The following MYO16 variants were observed in gnomAD, a reference collection of about 807,000 sequenced individuals.
MYO16 encodes the protein myosin XVI.
Under a neutral mutation model 205.3 loss-of-function variants are expected in MYO16, and 94 were observed. The ratio of observed to expected loss-of-function variants is 0.46; its 90% CI spans 0.39 to 0.54. The LOEUF (loss-of-function observed/expected upper bound fraction) is 0.54. MYO16 is among the 20% of genes least tolerant of loss of function. MYO16 has a pLI of 0.00. For synonymous variants in MYO16, 988 were observed against 954.0 expected, an observed-to-expected ratio of 1.04 and a Z score of -0.66; for missense variants, 2,315 against 2,387.5, an observed-to-expected ratio of 0.97 and a Z score of 0.63.
the MYO16 span, among the ~76,000 whole-genome samples, chr13:108,503,288 T>C: frequency 6.6e-6 from 1 of 152,078 alleles, no homozygotes; most frequent in African/African-American, 2.4e-5. Flanking sequence ...ACCTGTGAAA[T>C]GGTACAGGCA....
intron 7 of MYO16, among the ~76,000 whole-genome samples, chr13:108,810,309 C>G (rs1303308581): frequency 6.6e-6 from 1 of 152,176 alleles, no homozygotes; most frequent in Non-Finnish European, 1.5e-5. Flanking sequence ...GAGTTCTCCA[C>G]TGTGCTAGCC....
chr13:109,022,459 A>G (rs1476245802), intron 23 of MYO16, among the ~76,000 whole-genome samples: 1 of 131,220 alleles, frequency 7.6e-6, no homozygotes, highest in African/African-American at 2.8e-5. Context: ...TTATATATAC[A>G]ATATAAACAT....
At chr13:109,173,950 G>GGGA (rs1555338664) in intron 33 of MYO16, among the ~76,000 whole-genome samples, 1 of 146,918 alleles carries the variant, frequency 6.8e-6, no homozygotes, top group Non-Finnish European at 1.5e-5. Flanking sequence ...GTTTTGATGG[G>GGGA]GGGGGGTACT....
Position 109,052,319 on chromosome 13 carries a change from C to A in MYO16, c.2892C>A (p.Ile964=). The change falls in exon 25 of 35, where the codon ATC becomes ATA. Residue 964 remains isoleucine (I), a synonymous_variant. Transcript: ENST00000457511. ...TCCTAGCTAGTGAAAATGTCGTGAT[C>A]AATCATTTGTTCCAGTCGAAATTGT... ...FVMKTSENVV[I]NHLFQSKLSQ... 1 of 1,612,738 alleles carries A rather than the reference C, an allele frequency of 6.2e-7. No homozygotes were observed. The highest frequency in any genetic ancestry group is 1.1e-5 in the South Asian group (1 of 90,872).
intron 2 of MYO16, among the ~76,000 whole-genome samples, chr13:108,694,065 A>G (rs973054325): frequency 1.3e-5 from 2 of 152,200 alleles, no homozygotes; most frequent in African/African-American, 2.4e-5. Context: ...GCCACATAGT[A>G]TTTCATGGTG....
chr13:108,671,976 T>C (rs1226968579), intron 2 of MYO16, among the ~76,000 whole-genome samples: 2 of 152,182 alleles, frequency 1.3e-5, no homozygotes, highest in African/African-American at 4.8e-5. Context: ...TAATCTGTAA[T>C]AGGGCATATT....
Position 109,140,871 on chromosome 13 carries a change from G to A in MYO16, c.4659G>A (p.Gln1553=). The change falls in exon 32 of 35, where the codon CAG becomes CAA. Residue 1553 remains glutamine, a synonymous_variant. Coordinates refer to ENST00000457511, the MANE Select transcript of MYO16 (RefSeq NM_001198950.3). The surrounding 1 kb of genome is among the most constrained non-coding windows in gnomAD (Gnocchi z 8.0). ...AGACCAACCTCAAGTACCCCGTGCA[G>A]CCGGAGGGGTCGAGCCCGCTGTCCC... ...VLETNLKYPV[Q]PEGSSPLSPQ... 6 of 1,596,160 alleles carry A rather than the reference G, an allele frequency of 3.8e-6. No individual in the cohort carries two copies. Among genetic ancestry groups the A allele is most frequent in the Non-Finnish European group, 5.1e-6 (6 of 1,172,928 alleles).
chr13:108,863,796 T>G (rs1878571679), intron 11 of MYO16, among the ~76,000 whole-genome samples: 1 of 152,172 alleles, frequency 6.6e-6, no homozygotes, highest in Non-Finnish European at 1.5e-5. Context: ...AATTCACCAG[T>G]GAAGCCTAAG....
intron 2 of MYO16, among the ~76,000 whole-genome samples, chr13:108,694,892 C>A (rs1261133611): frequency 6.6e-6 from 1 of 152,118 alleles, no homozygotes; most frequent in East Asian, 1.9e-4. Context: ...GCGGGTGGAT[C>A]ACCTGAGGTC....
chr13:108,848,000 A>G (rs1439164407), intron 10 of MYO16, among the ~76,000 whole-genome samples: 2 of 152,222 alleles, frequency 1.3e-5, no homozygotes, highest in East Asian at 1.9e-4. Flanking sequence ...GTAGAGAGAG[A>G]GCGGGAAAGA....
At chr13:108,955,512 T>C (rs983813125) in intron 16 of MYO16, among the ~76,000 whole-genome samples, 1 of 152,158 alleles carries the variant, frequency 6.6e-6, no homozygotes, top group Non-Finnish European at 1.5e-5. Context: ...AAGGGCACAA[T>C]TTCCTGGTTT....
chr13:108,558,947 A>T, the MYO16 span, among the ~76,000 whole-genome samples: 1 of 151,612 alleles, frequency 6.6e-6, no homozygotes, highest in Non-Finnish European at 1.5e-5. Context: ...TTGCCTCTTC[A>T]CACAGATCAA....
intron 15 of MYO16, among the ~76,000 whole-genome samples, chr13:108,908,709 C>T (rs1182852578): frequency 1.3e-5 from 2 of 152,084 alleles, no homozygotes; most frequent in African/African-American, 4.8e-5. Flanking sequence ...CGTGATGGCT[C>T]ACCCCTGTAA....
chr13:109,028,432 A>G, intron 23 of MYO16: 1 of 301,798 alleles, frequency 3.3e-6, no homozygotes, highest in Non-Finnish European at 6.7e-6. Flanking sequence ...CTTTGTGATG[A>G]GTAGCTCCCT....
intron 2 of MYO16, among the ~76,000 whole-genome samples, chr13:108,680,384 G>A (rs1224204207): frequency 6.6e-6 from 1 of 152,166 alleles, no homozygotes; most frequent in Non-Finnish European, 1.5e-5. Context: ...CAAAATAAAT[G>A]AGTTTTTTCC....
chr13:109,128,768 G>GTTTTTTTTTTTTTTTTTTTTTTTTTTTTT (rs1172405612), intron 31 of MYO16, among the ~76,000 whole-genome samples: 1 of 115,016 alleles, frequency 8.7e-6, no homozygotes, highest in Non-Finnish European at 1.8e-5. Flanking sequence ...CACTTTTTTA[G>GTTTTTTTTTTTTTTTTTTTTTTTTTTTTT]TTTTTTTTTT....
chr13:109,023,722 T>TATATATGTATATATACAAATATATGC (rs1886243885), intron 23 of MYO16, among the ~76,000 whole-genome samples: 7 of 130,420 alleles, frequency 5.4e-5, no homozygotes, highest in African/African-American at 2.1e-4. Context: ...CAAATATATG[T>TATATATGTATATATACAAATATATGC]ATATATGCAT....
At chr13:109,079,499 C>T (rs538121110) in intron 27 of MYO16, among the ~76,000 whole-genome samples, 2 of 152,140 alleles carry the variant, frequency 1.3e-5, no homozygotes, top group Non-Finnish European at 2.9e-5. Context: ...TTATCCTAAG[C>T]GAATTCATGC....
Position 108,970,443 on chromosome 13 carries a change from G to A in MYO16, c.2369+5541G>A, listed in dbSNP as rs150343600. ...TTAAATAAATCACAGTTCTATGGACGCTTTAATCCTGAAATAGCCAGCATT... is the reference window on the plus strand; with the variant it reads ...TTAAATAAATCACAGTTCTATGGACACTTTAATCCTGAAATAGCCAGCATT... On this transcript the variant is annotated intron_variant, in intron 20 of 34. Coordinates refer to ENST00000457511, the MANE Select transcript of MYO16 (RefSeq NM_001198950.3). 1.6e-4 allele frequency among the ~76,000 whole-genome samples: 25 copies of A among 152,206 alleles called. No individual in the cohort carries two copies. The East Asian group carries it at 3.9e-3, about 24-fold the overall frequency.
Sources: gnomAD v4.1 joint callset for allele counts (sites outside exome capture counted in the v4.1 genomes callset) on GRCh38, gnomAD v4.1.1 for gene constraint, Gnocchi (gnomAD v3.1) non-coding constraint, MANE v1.5 for transcripts, NCBI Gene and HGNC (gene_info 2026-07-23, HGNC 2026-07-21) for gene names.